Variants in RIC1 observed in about 807,000 individuals in gnomAD.
RIC1 encodes the protein RIC1 partner of RAB6A GEF complex.
Under a neutral mutation model 169.0 loss-of-function variants are expected in RIC1, and 88 were observed. The observed-to-expected ratio is 0.52, with a 90% CI of 0.44 to 0.62. The LOEUF (loss-of-function observed/expected upper bound fraction) is 0.62, where lower values mean the gene tolerates loss of function less well. RIC1 is among the 20% of genes least tolerant of loss of function. The pLI, the probability that RIC1 is intolerant of heterozygous loss-of-function variation, is 0.00. For missense variants in RIC1, 1,877 were observed against 1,725.5 expected, an observed-to-expected ratio of 1.09 and a Z score of -1.56; for synonymous variants, 790 against 601.5, an observed-to-expected ratio of 1.31 and a Z score of -4.59.
intron 16 of RIC1, 81 bp from the exon 17 acceptor site, chr9:5,757,232 C>G (rs1431913931): frequency 6.8e-7 from 1 of 1,468,196 alleles, no homozygotes; most frequent in East Asian, 2.3e-5. Flanking sequence ...AGCATGAAAT[C>G]TAATACTATT....
intron 1 of RIC1, among the ~76,000 whole-genome samples, chr9:5,631,285 G>C (rs1817702045): frequency 6.6e-6 from 1 of 152,064 alleles, no homozygotes; most frequent in South Asian, 2.1e-4. Context: ...AGAAGTCCAG[G>C]GACCCCTACT....
At chr9:5,681,077 C>T (rs10975239) in intron 2 of RIC1, among the ~76,000 whole-genome samples, 45,367 of 151,358 alleles carry the variant, frequency 0.3, 7,865 homozygotes, top group East Asian at 0.61. Flanking sequence ...CCGCCCGCCT[C>T]GGCCTCCCAA....
intron 3 of RIC1, among the ~76,000 whole-genome samples, chr9:5,712,171 A>T (rs980198664): frequency 3.3e-5 from 5 of 152,166 alleles, no homozygotes; most frequent in African/African-American, 1.2e-4. Context: ...ACAATAGTTG[A>T]ACTAGTTTGC....
intron 1 of RIC1, among the ~76,000 whole-genome samples, chr9:5,647,149 T>G (rs1818558451): frequency 6.6e-6 from 1 of 152,216 alleles, no homozygotes; most frequent in Non-Finnish European, 1.5e-5. Context: ...TTCTGGACTC[T>G]GTGTTTTATT....
rs1285579766 is a variant in RIC1, at chr9:5,629,354, G to C, written c.45G>C (p.Leu15=). The C allele has an allele frequency of 6.5e-7, 1 of 1,534,254 alleles. No individual in the cohort carries two copies. The highest frequency in any genetic ancestry group is 2.0e-5 in the Admixed American group (1 of 50,844). The change falls in exon 1 of 26, where the codon CTG becomes CTC. Residue 15 remains leucine (L), a synonymous_variant. Transcript: ENST00000414202. The stretch of plus-strand genomic sequence containing the variant: ...GGCCCAAGAGGCTGCTGTGCCCTCT[G>C]GGGAGCCCGGCCGAGGCGCCTTTCC... ...SGWPKRLLCP[L]GSPAEAPFHV... is the part of the protein sequence containing the mutation.
intron 6 of RIC1, among the ~76,000 whole-genome samples, chr9:5,723,753 A>G (rs1823765152): frequency 6.6e-6 from 1 of 152,192 alleles, no homozygotes; most frequent in Non-Finnish European, 1.5e-5. Flanking sequence ...TAAGGAAAGG[A>G]TCCAGTTTCA....
chr9:5,721,528 G>A (rs768211716), intron 6 of RIC1, among the ~76,000 whole-genome samples: 1 of 152,174 alleles, frequency 6.6e-6, no homozygotes, highest in Non-Finnish European at 1.5e-5. Context: ...CTCCTAGTGC[G>A]CTTGTGGGCA....
intron 6 of RIC1, among the ~76,000 whole-genome samples, chr9:5,729,532 C>G (rs1239720442): frequency 6.6e-6 from 1 of 152,084 alleles, no homozygotes; most frequent in Non-Finnish European, 1.5e-5. Context: ...AATGCCGCCT[C>G]CTATTATTTT....
intron 21 of RIC1, among the ~76,000 whole-genome samples, chr9:5,767,479 C>CT (rs34146140): frequency 0.98 from 142,071 of 145,348 alleles, 69,447 homozygotes; most frequent in South Asian, 0.99. Context: ...TTCATATTCT[C>CT]TTTTTTTTTT....
intron 2 of RIC1, among the ~76,000 whole-genome samples, chr9:5,680,815 ATTTTTTTTTT>A (rs66478510): frequency 1.6e-4 from 9 of 57,764 alleles, no homozygotes; most frequent in South Asian, 9.9e-4. Flanking sequence ...GCAGTCATTG[ATTTTTTTTTT>A]TTTTTTTTTT....
At chr9:5,664,152 G>A (rs928142712) in intron 2 of RIC1, among the ~76,000 whole-genome samples, 1 of 152,150 alleles carries the variant, frequency 6.6e-6, no homozygotes. Context: ...GCTCACACCT[G>A]TAATCCCAGC....
intron 2 of RIC1, among the ~76,000 whole-genome samples, chr9:5,675,119 C>G (rs926439619): frequency 4.6e-5 from 7 of 152,204 alleles, no homozygotes; most frequent in Non-Finnish European, 2.9e-5. Flanking sequence ...GCACGTGGCC[C>G]CTGCTGCTGT....
intron 7 of RIC1, among the ~76,000 whole-genome samples, chr9:5,733,856 G>A (rs1292599036): frequency 6.6e-6 from 1 of 151,268 alleles, no homozygotes; most frequent in East Asian, 1.9e-4. Context: ...GTAAGGTTAT[G>A]GCTGTCTCAT....
At chr9:5,770,529 T>C (rs1827137517) in intron 23 of RIC1, among the ~76,000 whole-genome samples, 1 of 152,228 alleles carries the variant, frequency 6.6e-6, no homozygotes, top group South Asian at 2.1e-4. Context: ...AAATCAATTT[T>C]GATGATAAGG....
intron 1 of RIC1, among the ~76,000 whole-genome samples, chr9:5,652,299 G>T (rs1471378171): frequency 6.6e-6 from 1 of 152,160 alleles, no homozygotes; most frequent in African/African-American, 2.4e-5. Context: ...ATCACTTTGG[G>T]TCATATGGAC....
chr9:5,702,712 T>C (rs13298769), intron 3 of RIC1, among the ~76,000 whole-genome samples: 1 of 152,030 alleles, frequency 6.6e-6, no homozygotes, highest in Non-Finnish European at 1.5e-5. Context: ...CTAATTTTTT[T>C]TGTGTGTGTA....
chr9:5,756,465 T>A (rs1826023693), intron 16 of RIC1, 93 bp downstream of exon 16: 3 of 819,314 alleles, frequency 3.7e-6, no homozygotes, highest in Non-Finnish European at 5.2e-6. Flanking sequence ...TTATTCCACT[T>A]TTATATTCAA....
In RIC1 at chr9:5,629,380, A is replaced by T. The variant is rs1817603568; in HGVS notation, c.71A>T (p.His24Leu). Residue 24 changes from histidine to leucine, a missense_variant, in exon 1 of 26, where the codon CAC becomes CTC. Around this residue, in one of 3 missense-constraint regions of RIC1, gnomAD observed 1,104 missense variants for 992.0 expected, o/e 1.11. Coordinates refer to ENST00000414202, the MANE Select transcript of RIC1 (RefSeq NM_020829.4). ...GGGAGCCCGGCCGAGGCGCCTTTCC[A>T]CGTTCAGTCCGACCCGCAGAGGGCT... ...PLGSPAEAPF[H>L]VQSDPQRAFF... 2.0e-6 allele frequency: 3 copies of T among 1,532,696 alleles called. No homozygotes were observed. The highest frequency in any genetic ancestry group is 1.7e-4 in the Middle Eastern group (1 of 5,978). The allele number at this position is 1,532,696 out of a possible 1,614,324, so 94.9% of individuals were successfully genotyped here. A position where few individuals can be genotyped will look rare whatever the true frequency, so the allele number is the denominator to read the frequency against.
intron 1 of RIC1, among the ~76,000 whole-genome samples, chr9:5,632,555 C>T (rs183165501): frequency 5.9e-4 from 89 of 152,018 alleles, no homozygotes; most frequent in Middle Eastern, 3.4e-3. Flanking sequence ...TATATTGGAG[C>T]CCCAATATTA....
Sources: gnomAD v4.1 joint callset for allele counts (sites outside exome capture counted in the v4.1 genomes callset) on GRCh38, gnomAD v4.1.1 for gene constraint, gnomAD v4.1.1 regional missense constraint, MANE v1.5 for transcripts, NCBI Gene and HGNC (gene_info 2026-07-23, HGNC 2026-07-21) for gene names.